PCP4L1: variants seen among roughly 807,000 people sequenced by gnomAD.
The protein encoded by PCP4L1 is Purkinje cell protein 4 like 1, also known as Purkinje cell protein 4-like protein 1.
Under a neutral mutation model 9.6 loss-of-function variants are expected in PCP4L1, and 9 were observed. The observed-to-expected ratio is 0.94, with a 90% CI of 0.57 to 1.64. The LOEUF is 1.64. Among genes scored for constraint, PCP4L1 ranks in the 40% most tolerant of loss-of-function variants. PCP4L1 has a pLI of 0.00. For synonymous variants in PCP4L1, 31 were observed against 28.2 expected (o/e 1.10, Z -0.31); for missense variants, 81 against 80.8 (o/e 1.00, Z -0.01).
At chr1:161,264,588 G>A (rs1317657171) in intron 1 of PCP4L1, among the ~76,000 whole-genome samples, 2 of 152,158 alleles carry the variant, frequency 1.3e-5, no homozygotes, top group South Asian at 2.1e-4. Context: ...CAGCACTTTG[G>A]GAGGCTGAAG....
rs537356353 is a variant in PCP4L1, at chr1:161,261,806, C to G, written c.9+2823C>G. On this transcript the variant is annotated intron_variant, in intron 1 of 2. Coordinates refer to ENST00000504449, the MANE Select transcript of PCP4L1 (RefSeq NM_001102566.2). ...GGCTGGCAGGGGCTGGGGCAAGGGA[C>G]AGATCAACTAGAAATATCATTTAGG... is the stretch of plus-strand genomic sequence containing the variant. 8.5e-5 allele frequency among the ~76,000 whole-genome samples: 13 copies of G among 152,272 alleles called. No individual in the cohort carries two copies. The East Asian group carries it at 2.3e-3, about 27-fold the overall frequency.
intron 1 of PCP4L1, among the ~76,000 whole-genome samples, chr1:161,263,137 C>T (rs2102230772): frequency 6.6e-6 from 1 of 152,340 alleles, no homozygotes; most frequent in Admixed American, 6.5e-5. Context: ...AGAACCAAGG[C>T]TAGGGCACTG....
chr1:161,262,721 G>T (rs1472943960), intron 1 of PCP4L1, among the ~76,000 whole-genome samples: 1 of 152,124 alleles, frequency 6.6e-6, no homozygotes, highest in African/African-American at 2.4e-5. Context: ...AAGTCCAAGT[G>T]CACAAACTTG....
At chr1:161,279,966 G>A (rs1669766666) in intron 1 of PCP4L1, among the ~76,000 whole-genome samples, 1 of 152,106 alleles carries the variant, frequency 6.6e-6, no homozygotes, top group Non-Finnish European at 1.5e-5. Flanking sequence ...TTACTATTAC[G>A]TTTAACTCTC....
chr1:161,270,954 C>T (rs898736139), intron 1 of PCP4L1, among the ~76,000 whole-genome samples: 14 of 151,910 alleles, frequency 9.2e-5, no homozygotes, highest in Non-Finnish European at 4.4e-5. Flanking sequence ...AGATGGCCAT[C>T]TACATATGGA....
In PCP4L1 at chr1:161,273,162, A is replaced by G. The variant is rs548652460; in HGVS notation, c.10-10506A>G. 3.3e-4 allele frequency among the ~76,000 whole-genome samples: 51 copies of G among 152,348 alleles called. No homozygotes were observed. In the South Asian group the frequency reaches 0.01, roughly 31 times the overall value. ...AGTATCACCAAGATGATGGAATGGAACACTGGTACACATCAGGCTCAGAGG... is the reference window on the plus strand; with the variant it reads ...AGTATCACCAAGATGATGGAATGGAGCACTGGTACACATCAGGCTCAGAGG... On this transcript the variant is annotated intron_variant, in intron 1 of 2. Transcript: ENST00000504449.
intron 1 of PCP4L1, among the ~76,000 whole-genome samples, chr1:161,279,351 C>T (rs1313554616): frequency 6.6e-6 from 1 of 152,106 alleles, no homozygotes; most frequent in Non-Finnish European, 1.5e-5. Flanking sequence ...TGCTGTATGC[C>T]CAACACCTAG....
chr1:161,274,373 AG>A (rs201221767), intron 1 of PCP4L1, among the ~76,000 whole-genome samples: 112 of 150,874 alleles, frequency 7.4e-4, no homozygotes, highest in African/African-American at 9.0e-4. Context: ...CTCAAAAAAA[AG>A]AAAAGGAGTA....
At chr1:161,271,710 G>A (rs911461726) in intron 1 of PCP4L1, among the ~76,000 whole-genome samples, 18 of 152,114 alleles carry the variant, frequency 1.2e-4, no homozygotes, top group African/African-American at 4.3e-4. Context: ...CACCATGTTG[G>A]CCAGGCTGGT....
Position 161,278,589 on chromosome 1 carries a change from T to C in PCP4L1, c.10-5079T>C, listed in dbSNP as rs12093798. On this transcript the variant is annotated intron_variant, in intron 1 of 2. Transcript: ENST00000504449. ...CAGCCAGTAGTCTTTTTTCTACCCA[T>C]CTGTCAGAACAATCCTTTAAAAACA... 4.1e-3 allele frequency among the ~76,000 whole-genome samples: 618 copies of C among 151,940 alleles called. 4 individuals carry two copies. The highest frequency in any genetic ancestry group is 0.014 in the African/African-American group (596 of 41,402).
rs11302998 is a variant in PCP4L1 at position 161,275,515 on chromosome 1, C to CA, written c.10-8134dup. On this transcript the variant is annotated intron_variant, in intron 1 of 2. Coordinates refer to ENST00000504449, the MANE Select transcript of PCP4L1 (RefSeq NM_001102566.2). ...TGGGCGACAGAGCAAGACTCCGTCT[C>CA]AAAAAAAAAAAAAAAAAAAGAATCA... Among the ~76,000 whole-genome samples the CA allele has an allele frequency of 9.8e-3, 899 of 91,828 alleles. 11 individuals carry two copies. The highest frequency in any genetic ancestry group is 0.019 in the African/African-American group (462 of 24,258). The allele number at this position is 91,828 out of a possible 152,430, so 60.2% of individuals were successfully genotyped here.
At chr1:161,261,176 C>T (rs555064231) in intron 1 of PCP4L1, among the ~76,000 whole-genome samples, 11 of 152,258 alleles carry the variant, frequency 7.2e-5, no homozygotes, top group Admixed American at 7.2e-4. Flanking sequence ...AGTTTCACCT[C>T]CCCCAACTGC....
chr1:161,263,475 G>C (rs961363786), intron 1 of PCP4L1, among the ~76,000 whole-genome samples: 2 of 152,062 alleles, frequency 1.3e-5, no homozygotes, highest in Admixed American at 6.6e-5. Context: ...CTGACCTCAA[G>C]TGATCTGCCC....
rs1054553722 is a variant in PCP4L1 at position 161,270,037 on chromosome 1, C to T, written c.9+11054C>T. Among the ~76,000 whole-genome samples, 4 of 150,422 alleles carry T rather than the reference C, an allele frequency of 2.7e-5. No individual in the cohort carries two copies. The East Asian group carries it at 7.8e-4, about 29-fold the overall frequency. On this transcript the variant is annotated intron_variant, in intron 1 of 2. Transcript: ENST00000504449. ...AAGGACTGGGCGTGGTGGCTCACGC[C>T]TGTAATCCTAGCATTTTGGGAGGCT...
chr1:161,258,982 A>T lies in PCP4L1; in HGVS notation c.8A>T (p.Glu3Val), dbSNP rs1216511550. Reference protein sequence around the residue: MSELNTKTSPATN... With the variant: MSVLNTKTSPATN... ...CCCTGTCCGGCTGCGGAGATGAGCGAGGTGAGCGGTGCGGCCCCCGGCGCT... is the reference window on the plus strand; with the variant it reads ...CCCTGTCCGGCTGCGGAGATGAGCGTGGTGAGCGGTGCGGCCCCCGGCGCT... The change falls in exon 1 of 3, where the codon GAG becomes GTG. Residue 3 changes from glutamate (E) to valine (V), a missense_variant and splice_region_variant. Coordinates refer to ENST00000504449, the MANE Select transcript of PCP4L1 (RefSeq NM_001102566.2). The T allele has an allele frequency of 6.5e-7, 1 of 1,533,392 alleles. No homozygotes were observed. Among genetic ancestry groups the T allele is most frequent in the Non-Finnish European group, 8.7e-7 (1 of 1,145,726 alleles). The allele number at this position is 1,533,392 out of a possible 1,614,324, so 95.0% of individuals were successfully genotyped here. A position where few individuals can be genotyped will look rare whatever the true frequency, so the allele number is the denominator to read the frequency against.
chr1:161,274,625 A>C (rs1669671676), intron 1 of PCP4L1, among the ~76,000 whole-genome samples: 1 of 152,156 alleles, frequency 6.6e-6, no homozygotes, highest in Non-Finnish European at 1.5e-5. Context: ...ATTCATCTAA[A>C]ATTGCTGCGT....
intron 1 of PCP4L1, among the ~76,000 whole-genome samples, chr1:161,281,071 T>A (rs1412404834): frequency 2.0e-5 from 3 of 152,182 alleles, no homozygotes; most frequent in African/African-American, 7.2e-5. Flanking sequence ...TTCAAGAATC[T>A]GTTTAACAAA....
At chr1:161,278,050 G>A (rs1373717202) in intron 1 of PCP4L1, among the ~76,000 whole-genome samples, 2 of 151,986 alleles carry the variant, frequency 1.3e-5, no homozygotes, top group African/African-American at 4.8e-5. Context: ...ATATCACTCT[G>A]GTAATTATCC....
At chr1:161,267,593 G>A (rs866555835) in intron 1 of PCP4L1, among the ~76,000 whole-genome samples, 6 of 152,320 alleles carry the variant, frequency 3.9e-5, no homozygotes, top group Non-Finnish European at 5.9e-5. Flanking sequence ...AGAAGGGAGC[G>A]GGGAAGATTG....
Sources: gnomAD v4.1 joint callset for allele counts (sites outside exome capture counted in the v4.1 genomes callset) on GRCh38, gnomAD v4.1.1 for gene constraint, MANE v1.5 for transcripts, NCBI Gene and HGNC (gene_info 2026-07-23, HGNC 2026-07-21) for gene names.